The following MCC variants were observed in gnomAD, a reference collection of about 807,000 sequenced individuals.
MCC encodes the protein MCC regulator of Wnt signaling pathway, also known as colorectal mutant cancer protein.
A neutral mutation model predicts 116.2 loss-of-function variants in MCC; 90 were observed. The ratio of observed to expected loss-of-function variants is 0.77; its 90% CI spans 0.65 to 0.92. The LOEUF is 0.92. MCC is among the 40% of genes least tolerant of loss of function. MCC has a pLI of 0.00. For synonymous variants in MCC, 578 were observed against 510.5 expected, an observed-to-expected ratio of 1.13 and a Z score of -1.78; for missense variants, 1,516 against 1,312.2, an observed-to-expected ratio of 1.16 and a Z score of -2.40.
In MCC at chr5:113,190,568, G is replaced by A. The variant is rs1322144851; in HGVS notation, c.628-39146C>T. Reference sequence around the variant, plus strand: ...TGTTCCTGAATCACAGCTAAAGAATGTAGAGCTATTCAGTATTAGTGTCCC... The same window carrying A: ...TGTTCCTGAATCACAGCTAAAGAATATAGAGCTATTCAGTATTAGTGTCCC... On this transcript the variant is annotated intron_variant, in intron 3 of 18. Transcript: ENST00000408903. 4.6e-5 allele frequency among the ~76,000 whole-genome samples: 7 copies of A among 152,190 alleles called. No individual in the cohort carries two copies. In the East Asian group the frequency reaches 1.3e-3, roughly 29 times the overall value.
At position 113,083,008 on chromosome 5, in the gene MCC, C is replaced by T. The variant is rs376637790; in HGVS notation, c.1636G>A (p.Val546Ile). The T allele has an allele frequency of 6.2e-7, 1 of 1,607,906 alleles. No individual in the cohort carries two copies. Among genetic ancestry groups the T allele is most frequent in the South Asian group, 1.1e-5 (1 of 89,688 alleles). ...VLGSEISSIG[V>I]SSSVAEHLAH... ...AGGTGTTCAGCCACACTGCTGGATA[C>T]CTGCAAAAAGAAGCATTAATTCCCC... The change falls in exon 11 of 19, where the codon GTA becomes ATA. Residue 546 changes from valine to isoleucine, a missense_variant and splice_region_variant. By Grantham distance (29) the Val-to-Ile change is conservative. Transcript: ENST00000408903.
chr5:113,228,841 G>C (rs894482883), intron 3 of MCC, among the ~76,000 whole-genome samples: 3 of 152,216 alleles, frequency 2.0e-5, no homozygotes, highest in African/African-American at 7.2e-5. Context: ...TAGCTTAGCT[G>C]TGGGTTTGGT....
intron 8 of MCC, among the ~76,000 whole-genome samples, chr5:113,086,495 G>A (rs963377673): frequency 2.6e-5 from 4 of 152,174 alleles, no homozygotes; most frequent in African/African-American, 9.7e-5. Context: ...AGGTAGGAAC[G>A]TCTAAATAGT....
chr5:113,041,106 C>T (rs183772235), intron 17 of MCC, among the ~76,000 whole-genome samples: 15 of 152,264 alleles, frequency 9.9e-5, no homozygotes, highest in Non-Finnish European at 1.3e-4. Flanking sequence ...TTTAACTGCA[C>T]GGCCAGAGGC....
At chr5:113,382,506 G>A (rs1173734494) in intron 2 of MCC, among the ~76,000 whole-genome samples, 4 of 151,840 alleles carry the variant, frequency 2.6e-5, no homozygotes, top group African/African-American at 7.3e-5. Context: ...CTCCCGCCTC[G>A]GCCTCCTAAA....
chr5:113,294,246 C>T (rs567974906), intron 3 of MCC: 2 of 1,571,272 alleles, frequency 1.3e-6, no homozygotes, highest in African/African-American at 1.3e-5. Flanking sequence ...GGGTGTAGGG[C>T]TGTGGGGAGG....
chr5:113,433,855 C>T lies in MCC; in HGVS notation c.171-48643G>A, dbSNP rs374009361. 4.0e-5 allele frequency: 64 copies of T among 1,614,012 alleles called. No homozygotes were observed. The highest frequency in any genetic ancestry group is 1.7e-4 in the African/African-American group (13 of 75,064). ...CTGGACATTTGCATTGCTGTCCCCT[C>T]GGGTTTTGTCTCAGGCTGTGCCTGG... On this transcript the variant is annotated intron_variant, in intron 1 of 18. Transcript: ENST00000408903.
At chr5:113,203,607 C>T (rs371625572) in intron 3 of MCC, among the ~76,000 whole-genome samples, 6 of 152,178 alleles carry the variant, frequency 3.9e-5, no homozygotes, top group African/African-American at 1.4e-4. Context: ...GTGATTATTT[C>T]GCTTCCAAAG....
At chr5:113,134,901 T>C (rs1347785253) in intron 5 of MCC, among the ~76,000 whole-genome samples, 1 of 151,814 alleles carries the variant, frequency 6.6e-6, no homozygotes, top group Non-Finnish European at 1.5e-5. Flanking sequence ...TCCAGTTTCT[T>C]TAGAGAGAAT....
chr5:113,192,736 C>A (rs1485182567), intron 3 of MCC, among the ~76,000 whole-genome samples: 2 of 152,206 alleles, frequency 1.3e-5, no homozygotes, highest in African/African-American at 4.8e-5. Flanking sequence ...ACCTGCTAAG[C>A]CTCCTTATAC....
At chr5:113,055,702 G>A (rs777848745) in intron 14 of MCC, among the ~76,000 whole-genome samples, 2 of 152,216 alleles carry the variant, frequency 1.3e-5, no homozygotes, top group Non-Finnish European at 2.9e-5. Context: ...GCTATGCCCA[G>A]TAAGTTCCCA....
chr5:113,284,587 C>T (rs546022252), intron 3 of MCC, among the ~76,000 whole-genome samples: 115 of 152,332 alleles, frequency 7.5e-4, no homozygotes, highest in African/African-American at 2.6e-3. Flanking sequence ...CTCAGTACTA[C>T]ATTTCCCCTT....
chr5:113,448,662 C>T (rs531437484), intron 1 of MCC, among the ~76,000 whole-genome samples: 2 of 152,196 alleles, frequency 1.3e-5, no homozygotes, highest in South Asian at 2.1e-4. Context: ...TTGCCTTGAT[C>T]GTAGGAATAA....
At chr5:113,156,532 A>G (rs1363537051) in intron 3 of MCC, among the ~76,000 whole-genome samples, 1 of 152,256 alleles carries the variant, frequency 6.6e-6, no homozygotes, top group Non-Finnish European at 1.5e-5. Flanking sequence ...TAGATAGCAC[A>G]GGACTAAGAA....
At chr5:113,263,974 C>T (rs1231706757) in intron 3 of MCC, among the ~76,000 whole-genome samples, 1 of 151,670 alleles carries the variant, frequency 6.6e-6, no homozygotes, top group Non-Finnish European at 1.5e-5. Flanking sequence ...GAAACCAAAC[C>T]ACCTGATTTT....
chr5:113,299,721 A>T (rs1052644382), intron 3 of MCC, among the ~76,000 whole-genome samples: 1 of 152,232 alleles, frequency 6.6e-6, no homozygotes, highest in Non-Finnish European at 1.5e-5. Context: ...GATCTCTCCA[A>T]GAAAGCTTCT....
intron 3 of MCC, among the ~76,000 whole-genome samples, chr5:113,195,925 T>C (rs1361735955): frequency 6.6e-6 from 1 of 152,176 alleles, no homozygotes. Flanking sequence ...AGCTGGCTTC[T>C]TTTGCATCTG....
chr5:113,473,280 T>G (rs1182730939), intron 1 of MCC, among the ~76,000 whole-genome samples: 3 of 152,028 alleles, frequency 2.0e-5, no homozygotes, highest in African/African-American at 7.2e-5. Flanking sequence ...TCCGAGCACT[T>G]TGGGAGGACA....
intron 3 of MCC, among the ~76,000 whole-genome samples, chr5:113,300,097 G>A (rs10434754): frequency 0.13 from 19,188 of 152,158 alleles, 1,344 homozygotes; most frequent in Non-Finnish European, 0.17. Flanking sequence ...TATGGCTGCC[G>A]ACTTCAGTGA....
Sources: allele counts gnomAD v4.1 joint callset (sites outside exome capture counted in the v4.1 genomes callset), GRCh38; gene constraint gnomAD v4.1.1; transcripts MANE v1.5; gene names NCBI Gene and HGNC (gene_info 2026-07-23, HGNC 2026-07-21).